Variants in RABGAP1L observed in about 807,000 individuals in gnomAD.
RABGAP1L encodes the protein RAB GTPase activating protein 1 like.
RABGAP1L carries 63 observed loss-of-function variants against 137.7 expected under a neutral mutation model. That is an observed-to-expected ratio of 0.46 (90% CI 0.37 to 0.56). The LOEUF (loss-of-function observed/expected upper bound fraction) is 0.56. Ranked by LOEUF, RABGAP1L falls within the 20% of genes least tolerant of loss-of-function variation. The pLI is 0.00. For missense variants in RABGAP1L, 1,095 were observed against 1,244.0 expected (o/e 0.88, Z 1.80); for synonymous variants, 431 against 433.7 (o/e 0.99, Z 0.08).
chr1:174,395,838 TAAA>T (rs59466961), intron 13 of RABGAP1L, among the ~76,000 whole-genome samples: 4 of 125,856 alleles, frequency 3.2e-5, no homozygotes, highest in Non-Finnish European at 3.4e-5. Context: ...ACCCTGTCTC[TAAA>T]AAAAAAAAAA....
chr1:174,682,890 A>G (rs1483121678), intron 14 of RABGAP1L, among the ~76,000 whole-genome samples: 1 of 152,204 alleles, frequency 6.6e-6, no homozygotes, highest in Non-Finnish European at 1.5e-5. Context: ...TCAGTTATGT[A>G]TGTAGCATGA....
Position 174,761,484 on chromosome 1 carries a change from A to G in RABGAP1L, c.2211+9130A>G, listed in dbSNP as rs1685214443. ...GGCAGAGGTGCTCCTCACTTCCCAG[A>G]CAATGCAGGGGCCGGGGAGAGGCGC... On this transcript the variant is annotated intron_variant, in intron 18 of 25. Coordinates refer to ENST00000681986, the MANE Select transcript of RABGAP1L (RefSeq NM_001366446.1). The surrounding 1 kb of genome is among the most constrained non-coding windows in gnomAD (Gnocchi z 4.0). 6.6e-6 allele frequency among the ~76,000 whole-genome samples: 1 copy of G among 151,950 alleles called. No homozygotes were observed. The highest frequency in any genetic ancestry group is 2.1e-4 in the South Asian group (1 of 4,820).
At chr1:174,413,364 A>G (rs1409585493) in intron 13 of RABGAP1L, among the ~76,000 whole-genome samples, 1 of 152,020 alleles carries the variant, frequency 6.6e-6, no homozygotes, top group African/African-American at 2.4e-5. Context: ...CTTGCTTTAG[A>G]CGTTTGTGTC....
chr1:174,165,467 A>G (rs1427337033), intron 1 of RABGAP1L, among the ~76,000 whole-genome samples: 1 of 151,352 alleles, frequency 6.6e-6, no homozygotes, highest in Non-Finnish European at 1.5e-5. Context: ...AGTTTTAAGG[A>G]TAAAAGAAGA....
chr1:174,888,760 G>C (rs984257773), intron 19 of RABGAP1L, among the ~76,000 whole-genome samples: 1 of 152,096 alleles, frequency 6.6e-6, no homozygotes, highest in Non-Finnish European at 1.5e-5. Flanking sequence ...GCCTCCCAAA[G>C]TGCTGGGATT....
intron 13 of RABGAP1L, among the ~76,000 whole-genome samples, chr1:174,487,311 G>A (rs542561715): frequency 2.6e-5 from 4 of 152,120 alleles, no homozygotes; most frequent in Non-Finnish European, 5.9e-5. Flanking sequence ...GTTTTCCAGT[G>A]TTGGGTCCAT....
At chr1:174,831,659 A>C (rs1433128715) in intron 19 of RABGAP1L, among the ~76,000 whole-genome samples, 1 of 148,364 alleles carries the variant, frequency 6.7e-6, no homozygotes, top group Admixed American at 6.7e-5. Flanking sequence ...CTTTCTATGG[A>C]TAATATATTT....
chr1:174,629,330 G>A (rs1673147438), intron 13 of RABGAP1L, among the ~76,000 whole-genome samples: 1 of 152,144 alleles, frequency 6.6e-6, no homozygotes, highest in Non-Finnish European at 1.5e-5. Flanking sequence ...CTATTAGGCT[G>A]TTTACGAGAA....
intron 19 of RABGAP1L, among the ~76,000 whole-genome samples, chr1:174,889,975 A>T (rs1442659443): frequency 6.6e-6 from 1 of 152,182 alleles, no homozygotes; most frequent in Admixed American, 6.5e-5. Flanking sequence ...GCTGGGCTCA[A>T]GTGATCCTCC....
rs1471895956 is a variant in RABGAP1L, at chr1:174,231,336, G to A, written c.523G>A (p.Val175Ile). Residue 175 changes from valine (V) to isoleucine (I), a missense_variant, in exon 4 of 26, where the codon GTT (valine) becomes ATT (isoleucine). Val to Ile is a conservative substitution (Grantham distance 29, BLOSUM62 3). Around this residue, in one of 4 missense-constraint regions of RABGAP1L, gnomAD observed 356 missense variants for 326.3 expected, o/e 1.09. Transcript: ENST00000681986. ...PFPVTLYVPN[V>I]PEGSVRIIDQ... ...TCCTGTTACCCTGTATGTACCAAATGTTCCAGAAGGTTCTGTGAGGTAAGC... is the reference window on the plus strand; with the variant it reads ...TCCTGTTACCCTGTATGTACCAAATATTCCAGAAGGTTCTGTGAGGTAAGC... The A allele has an allele frequency of 1.2e-6, 2 of 1,613,844 alleles. No homozygotes were observed. Among genetic ancestry groups the A allele is most frequent in the Admixed American group, 1.7e-5 (1 of 59,996 alleles).
At chr1:174,748,789 T>G (rs556717027) in intron 17 of RABGAP1L, among the ~76,000 whole-genome samples, 1 of 151,706 alleles carries the variant, frequency 6.6e-6, no homozygotes, top group South Asian at 2.1e-4. Context: ...GTGGAAAGAT[T>G]GCTTGAGTTC....
chr1:174,233,386 G>A (rs1013289234), intron 4 of RABGAP1L, among the ~76,000 whole-genome samples: 11 of 148,194 alleles, frequency 7.4e-5, no homozygotes, highest in African/African-American at 2.8e-4. Context: ...TCTAGCATTA[G>A]GTATATATCC....
intron 18 of RABGAP1L, among the ~76,000 whole-genome samples, chr1:174,777,821 A>G (rs1364216728): frequency 1.3e-5 from 2 of 152,224 alleles, no homozygotes; most frequent in East Asian, 3.8e-4. Flanking sequence ...TTGAAAACAT[A>G]GCAATTGAAA....
intron 18 of RABGAP1L, among the ~76,000 whole-genome samples, chr1:174,806,448 AAAAAAAC>A (rs1318533143): frequency 6.6e-6 from 1 of 152,132 alleles, no homozygotes; most frequent in Non-Finnish European, 1.5e-5. Flanking sequence ...AGAAACAAAC[AAAAAAAC>A]AAATTTGCCA....
intron 11 of RABGAP1L, among the ~76,000 whole-genome samples, chr1:174,316,049 A>G (rs1285960070): frequency 6.6e-6 from 1 of 152,130 alleles, no homozygotes; most frequent in Non-Finnish European, 1.5e-5. Flanking sequence ...CTTAGCTCCA[A>G]TTGCATTTTT....
At chr1:174,385,038 A>G (rs1029013315) in intron 12 of RABGAP1L, among the ~76,000 whole-genome samples, 3 of 152,158 alleles carry the variant, frequency 2.0e-5, no homozygotes, top group African/African-American at 7.2e-5. Flanking sequence ...TCATGGTGAG[A>G]TATTTTGATT....
chr1:174,406,123 T>C, intron 13 of RABGAP1L, among the ~76,000 whole-genome samples: 1 of 152,204 alleles, frequency 6.6e-6, no homozygotes, highest in Admixed American at 6.5e-5. Context: ...ATAATTTAAA[T>C]CAAATTTTCT....
At chr1:174,465,036 C>T (rs1445165699) in intron 13 of RABGAP1L, among the ~76,000 whole-genome samples, 1 of 152,064 alleles carries the variant, frequency 6.6e-6, no homozygotes, top group Non-Finnish European at 1.5e-5. Flanking sequence ...CAAATGTCCA[C>T]CATTTGATCC....
intron 13 of RABGAP1L, among the ~76,000 whole-genome samples, chr1:174,416,740 T>C (rs1302128949): frequency 6.6e-6 from 1 of 152,138 alleles, no homozygotes; most frequent in Non-Finnish European, 1.5e-5. Context: ...CTTACTAGTT[T>C]ATTTGGCTTA....
Sources: gnomAD v4.1 joint callset for allele counts (sites outside exome capture counted in the v4.1 genomes callset) on GRCh38, gnomAD v4.1.1 for gene constraint, gnomAD v4.1.1 regional missense constraint, Gnocchi (gnomAD v3.1) non-coding constraint, MANE v1.5 for transcripts, NCBI Gene and HGNC (gene_info 2026-07-23, HGNC 2026-07-21) for gene names.